The following PTPRT variants were observed in gnomAD, a reference collection of about 807,000 sequenced individuals.
PTPRT encodes protein tyrosine phosphatase receptor type T, also known as receptor-type tyrosine-protein phosphatase T.
PTPRT carries 56 observed loss-of-function variants against 176.8 expected under a neutral mutation model. That is an observed-to-expected ratio of 0.32 (90% CI 0.26 to 0.40). PTPRT has a LOEUF of 0.40. Among genes scored for constraint, PTPRT ranks in the 10% least tolerant of loss-of-function variants. The probability of loss-of-function intolerance (pLI) is 1.00; values close to 1 mark genes in which losing one functional copy is unlikely to be tolerated. For synonymous variants in PTPRT, 783 were observed against 739.0 expected, an observed-to-expected ratio of 1.06 and a Z score of -0.96; for missense variants, 1,540 against 1,908.2, an observed-to-expected ratio of 0.81 and a Z score of 3.60.
chr20:42,975,630 AG>A (rs1218901439), intron 1 of PTPRT, among the ~76,000 whole-genome samples: 14 of 152,194 alleles, frequency 9.2e-5, no homozygotes. Context: ...TGAGGAAACA[AG>A]ACAGAATTCT....
At position 42,657,645 on chromosome 20, in the gene PTPRT, C is replaced by A. The variant is rs540057844; in HGVS notation, c.1153+20221G>T. ...GCTTCCTTGTTATCAGATTCTGATT[C>A]TATGGGAGCTGTTTCCCAACTCTGG... On this transcript the variant is annotated intron_variant, in intron 7 of 30. Coordinates refer to ENST00000373187, the MANE Select transcript of PTPRT (RefSeq NM_007050.6). 3.3e-5 allele frequency among the ~76,000 whole-genome samples: 5 copies of A among 152,274 alleles called. No individual in the cohort carries two copies. The East Asian group carries it at 5.8e-4, about 18-fold the overall frequency.
chr20:42,841,870 C>T (rs2078284952), intron 2 of PTPRT, among the ~76,000 whole-genome samples: 3 of 152,138 alleles, frequency 2.0e-5, no homozygotes, highest in Non-Finnish European at 4.4e-5. Flanking sequence ...CCAAAGTTTG[C>T]CACTCTCCTT....
At chr20:42,921,036 C>T (rs1033248848) in intron 1 of PTPRT, among the ~76,000 whole-genome samples, 1 of 152,086 alleles carries the variant, frequency 6.6e-6, no homozygotes, top group East Asian at 1.9e-4. Context: ...GACAGCACGG[C>T]AAAATGCTCA....
intron 4 of PTPRT, among the ~76,000 whole-genome samples, chr20:42,774,328 A>T (rs2077103588): frequency 6.6e-6 from 1 of 152,194 alleles, no homozygotes; most frequent in South Asian, 2.1e-4. Context: ...CAGTAGCCTC[A>T]GCACTGAGGA....
At chr20:42,845,277 G>T (rs988719551) in intron 2 of PTPRT, among the ~76,000 whole-genome samples, 1 of 97,358 alleles carries the variant, frequency 1.0e-5, no homozygotes, top group Non-Finnish European at 2.3e-5. Flanking sequence ...GTCTTGTGTG[G>T]TAATGGCCAA....
chr20:42,557,892 C>G (rs757154421), intron 7 of PTPRT, among the ~76,000 whole-genome samples: 10 of 152,146 alleles, frequency 6.6e-5, no homozygotes, highest in Non-Finnish European at 1.0e-4. Flanking sequence ...CATGGCCAAC[C>G]CATTGGGCAA....
chr20:42,096,582 T>C (rs1341657313), intron 27 of PTPRT, among the ~76,000 whole-genome samples: 1 of 151,854 alleles, frequency 6.6e-6, no homozygotes, highest in African/African-American at 2.4e-5. Context: ...CCAGTCGGGA[T>C]GACACAGTAA....
At chr20:42,781,725 T>C (rs2077218346) in intron 3 of PTPRT, among the ~76,000 whole-genome samples, 1 of 152,198 alleles carries the variant, frequency 6.6e-6, no homozygotes, top group South Asian at 2.1e-4. Flanking sequence ...ACTGCAAAAC[T>C]TTAACCTAAT....
At position 42,354,460 on chromosome 20, in the gene PTPRT, G is replaced by A. The variant is rs4140626; in HGVS notation, c.1561-2175C>T. Among the ~76,000 whole-genome samples the A allele has an allele frequency of 2.3e-3, 346 of 152,296 alleles. 8 individuals are homozygous for A. In the East Asian group the frequency reaches 0.061, roughly 27 times the overall value. On this transcript the variant is annotated intron_variant, in intron 9 of 30. Coordinates refer to ENST00000373187, the MANE Select transcript of PTPRT (RefSeq NM_007050.6). ...CTAGGCAGGTCTGACTCCAAAGCCT[G>A]TACTCTATATTCTATACCACATTGC...
chr20:42,078,995 T>TA lies in PTPRT; in HGVS notation c.*1883_*1884insT, dbSNP rs1983051593. On this transcript the variant is annotated 3_prime_UTR_variant, in exon 31 of 31. Transcript: ENST00000373187. ...CAAAGCTGTACCTTCTTGAATTCTC[T>TA]GCCCCTCATGCCCTGTCTGGGGCTA... 1 of 178,482 alleles carries TA rather than the reference T, an allele frequency of 5.6e-6. No individual in the cohort carries two copies. Among genetic ancestry groups the TA allele is most frequent in the Non-Finnish European group, 1.2e-5 (1 of 83,136 alleles). The allele number at this position is 178,482 out of a possible 1,614,324, so 11.1% of individuals were successfully genotyped here. A position where few individuals can be genotyped will look rare whatever the true frequency, so the allele number is the denominator to read the frequency against.
At chr20:42,369,890 A>G (rs966796783) in intron 9 of PTPRT, among the ~76,000 whole-genome samples, 1 of 152,218 alleles carries the variant, frequency 6.6e-6, no homozygotes, top group South Asian at 2.1e-4. Context: ...TTTAGAAAGT[A>G]TATTTCCCTG....
intron 1 of PTPRT, among the ~76,000 whole-genome samples, chr20:43,129,954 T>C (rs1192295313): frequency 1.3e-5 from 2 of 151,962 alleles, no homozygotes; most frequent in Non-Finnish European, 1.5e-5. Flanking sequence ...TAACACAGAA[T>C]CAAGAATTCA....
At chr20:42,904,220 G>A (rs1034814355) in intron 1 of PTPRT, among the ~76,000 whole-genome samples, 3 of 152,066 alleles carry the variant, frequency 2.0e-5, no homozygotes, top group Non-Finnish European at 4.4e-5. Context: ...CAATGCAGAT[G>A]ATCCTATGAG....
chr20:42,767,859 G>T (rs1173540936), intron 5 of PTPRT, among the ~76,000 whole-genome samples: 9 of 142,358 alleles, frequency 6.3e-5, no homozygotes, highest in Non-Finnish European at 1.2e-4. Context: ...AACATAATTT[G>T]TTATATGTAT....
chr20:42,304,415 C>G (rs1037487891), intron 12 of PTPRT, among the ~76,000 whole-genome samples: 1 of 152,018 alleles, frequency 6.6e-6, no homozygotes, highest in Non-Finnish European at 1.5e-5. Context: ...TATTGCATGC[C>G]AAGCCCCGTG....
chr20:42,398,691 T>C (rs771100824), intron 9 of PTPRT, among the ~76,000 whole-genome samples: 2 of 152,174 alleles, frequency 1.3e-5, no homozygotes, highest in South Asian at 4.1e-4. Flanking sequence ...AGAGACTCTA[T>C]GTGTAATAAT....
At chr20:42,387,345 G>A (rs1252527477) in intron 9 of PTPRT, among the ~76,000 whole-genome samples, 2 of 152,222 alleles carry the variant, frequency 1.3e-5, no homozygotes, top group Non-Finnish European at 2.9e-5. Context: ...CTTTAGGCCA[G>A]ACCTGCTTTT....
intron 5 of PTPRT, among the ~76,000 whole-genome samples, chr20:42,762,581 T>C (rs1013802609): frequency 6.6e-6 from 1 of 152,228 alleles, no homozygotes; most frequent in Non-Finnish European, 1.5e-5. Context: ...ACCCATACTC[T>C]ATTGGCAGAG....
intron 18 of PTPRT, among the ~76,000 whole-genome samples, chr20:42,129,451 G>T (rs1178991765): frequency 6.6e-6 from 1 of 152,144 alleles, no homozygotes; most frequent in African/African-American, 2.4e-5. Context: ...GGCTTTATTT[G>T]GTAGCATGCT....
Sources: gnomAD v4.1 joint callset for allele counts (sites outside exome capture counted in the v4.1 genomes callset) on GRCh38, gnomAD v4.1.1 for gene constraint, MANE v1.5 for transcripts, NCBI Gene and HGNC (gene_info 2026-07-23, HGNC 2026-07-21) for gene names.